Variants in NOS1AP observed in about 807,000 individuals in gnomAD.
NOS1AP encodes the protein carboxyl-terminal PDZ ligand of neuronal nitric oxide synthase protein.
NOS1AP carries 21 observed loss-of-function variants against 56.2 expected under a neutral mutation model. The observed-to-expected ratio is 0.37, with a 90% CI of 0.26 to 0.54. NOS1AP has a LOEUF of 0.54. Among genes scored for constraint, NOS1AP ranks in the 20% least tolerant of loss-of-function variants. The pLI is 0.84. For missense variants in NOS1AP, 522 were observed against 657.8 expected (o/e 0.79, Z 2.26); for synonymous variants, 270 against 274.6 (o/e 0.98, Z 0.17).
intron 5 of NOS1AP, among the ~76,000 whole-genome samples, chr1:162,338,182 A>G (rs1657000478): frequency 6.6e-6 from 1 of 152,136 alleles, no homozygotes; most frequent in Non-Finnish European, 1.5e-5. Flanking sequence ...GACCTCATGG[A>G]CTTCAGTTCT....
At chr1:162,087,256 G>A (rs751694541) in intron 1 of NOS1AP, among the ~76,000 whole-genome samples, 41 of 152,084 alleles carry the variant, frequency 2.7e-4, no homozygotes, top group Non-Finnish European at 4.9e-4. Context: ...CTTTCCAACA[G>A]TAGCTTTAAG....
chr1:162,137,337 T>G (rs1649047916), intron 1 of NOS1AP, among the ~76,000 whole-genome samples: 1 of 152,224 alleles, frequency 6.6e-6, no homozygotes, highest in South Asian at 2.1e-4. Flanking sequence ...CCCTCTGCAC[T>G]TCTGCAGCAC....
rs4609405 is a variant in NOS1AP, at chr1:162,200,322, C to T, written c.177+45846C>T. ...AGAACTTGGCTTTTGAGACCTTTCC[C>T]TGACCTGGAAGATGACGTAGAAGTA... is the stretch of plus-strand genomic sequence containing the variant. On this transcript the variant is annotated intron_variant, in intron 2 of 9. Coordinates refer to ENST00000361897, the MANE Select transcript of NOS1AP (RefSeq NM_014697.3). Among the ~76,000 whole-genome samples the T allele has an allele frequency of 5.7e-3, 869 of 152,300 alleles. 11 individuals carry two copies. The highest frequency in any genetic ancestry group is 0.019 in the African/African-American group (779 of 41,558).
At chr1:162,167,998 CA>C (rs33932029) in intron 2 of NOS1AP, among the ~76,000 whole-genome samples, 17 of 139,200 alleles carry the variant, frequency 1.2e-4, no homozygotes, top group East Asian at 2.1e-4. Flanking sequence ...AGTGGCTAGT[CA>C]AAAAAAAAAA....
At chr1:162,230,319 A>C (rs1653082788) in intron 2 of NOS1AP, among the ~76,000 whole-genome samples, 1 of 152,186 alleles carries the variant, frequency 6.6e-6, no homozygotes, top group African/African-American at 2.4e-5. Context: ...GAACAAAAGC[A>C]CTAGAACCAG....
chr1:162,149,811 ATTTAT>A (rs1649635370), intron 1 of NOS1AP, among the ~76,000 whole-genome samples: 1 of 152,154 alleles, frequency 6.6e-6, no homozygotes, highest in African/African-American at 2.4e-5. Context: ...CTTGTTTGTA[ATTTAT>A]TTTATTTTAA....
At position 162,367,493 on chromosome 1, in the gene NOS1AP, G is replaced by T; in HGVS notation, c.*26G>T. On this transcript the variant is annotated 3_prime_UTR_variant, in exon 10 of 10. Coordinates refer to ENST00000361897, the MANE Select transcript of NOS1AP (RefSeq NM_014697.3). The surrounding 1 kb of genome is among the most constrained non-coding windows in gnomAD (Gnocchi z 6.5). ...GTGCCGAGGGCGAGGAGATGGAGGC[G>T]GCGGCGTGGCTGGAGGGGCCGTGTC... The T allele has an allele frequency of 6.5e-7, 1 of 1,529,004 alleles. No homozygotes were observed. Among genetic ancestry groups the T allele is most frequent in the East Asian group, 2.4e-5 (1 of 41,100 alleles). 94.7% of individuals were successfully genotyped at this position (1,529,004 alleles called of 1,614,324 possible). A position where few individuals can be genotyped will look rare whatever the true frequency, so the allele number is the denominator to read the frequency against.
chr1:162,212,643 C>A (rs1022924438), intron 2 of NOS1AP, among the ~76,000 whole-genome samples: 1 of 152,062 alleles, frequency 6.6e-6, no homozygotes, highest in African/African-American at 2.4e-5. Flanking sequence ...GTAAAAGCTT[C>A]GGGATTTTAG....
intron 2 of NOS1AP, among the ~76,000 whole-genome samples, chr1:162,182,571 A>C (rs1442882125): frequency 6.6e-6 from 1 of 152,222 alleles, no homozygotes; most frequent in Non-Finnish European, 1.5e-5. Flanking sequence ...TGATAGCATT[A>C]CAGTAGAACT....
intron 5 of NOS1AP, among the ~76,000 whole-genome samples, chr1:162,340,574 C>G (rs1657079253): frequency 6.6e-6 from 1 of 152,190 alleles, no homozygotes; most frequent in Non-Finnish European, 1.5e-5. Flanking sequence ...TGAGCATTTA[C>G]TATATGCCAG....
At chr1:162,207,855 T>C (rs557446504) in intron 2 of NOS1AP, among the ~76,000 whole-genome samples, 37 of 152,348 alleles carry the variant, frequency 2.4e-4, no homozygotes, top group Non-Finnish European at 3.8e-4. Flanking sequence ...TGTTTCTCAG[T>C]TTCTTATAAT....
chr1:162,070,313 TG>T, intron 1 of NOS1AP, 31 bp downstream of exon 1: 3 of 1,554,456 alleles, frequency 1.9e-6, no homozygotes, highest in Non-Finnish European at 2.7e-6. Context: ...GTGCTACCTG[TG>T]GTGGCGGTTG....
intron 1 of NOS1AP, among the ~76,000 whole-genome samples, chr1:162,142,624 A>G (rs1306684291): frequency 6.6e-6 from 1 of 152,104 alleles, no homozygotes; most frequent in Non-Finnish European, 1.5e-5. Context: ...GGATTTGAGG[A>G]CAGGCATTGT....
intron 1 of NOS1AP, among the ~76,000 whole-genome samples, chr1:162,083,338 CATATT>C (rs1158916380): frequency 2.0e-5 from 3 of 152,184 alleles, no homozygotes; most frequent in Admixed American, 2.0e-4. Flanking sequence ...TGACAGATAA[CATATT>C]ATCTTGAGTC....
chr1:162,233,508 G>T (rs74128705), intron 2 of NOS1AP, among the ~76,000 whole-genome samples: 3,373 of 139,246 alleles, frequency 0.024, 112 homozygotes, highest in African/African-American at 0.086. Flanking sequence ...AATATTCAGT[G>T]ATTTTTTTTT....
intron 2 of NOS1AP, among the ~76,000 whole-genome samples, chr1:162,213,793 G>A (rs1652452017): frequency 6.6e-6 from 1 of 152,176 alleles, no homozygotes; most frequent in Non-Finnish European, 1.5e-5. Context: ...AGGCGCCGCC[G>A]CTCGTGTAGT....
At chr1:162,301,473 A>G (rs1261248447) in intron 4 of NOS1AP, among the ~76,000 whole-genome samples, 2 of 152,240 alleles carry the variant, frequency 1.3e-5, no homozygotes, top group Non-Finnish European at 2.9e-5. Context: ...TTTATAAGCC[A>G]GCCAGTTTCT....
At chr1:162,207,669 T>C (rs1269359809) in intron 2 of NOS1AP, among the ~76,000 whole-genome samples, 5 of 152,220 alleles carry the variant, frequency 3.3e-5, no homozygotes, top group African/African-American at 1.2e-4. Flanking sequence ...GGTTATCATA[T>C]AGCTTTGGGA....
At chr1:162,122,373 C>T (rs190785030) in intron 1 of NOS1AP, among the ~76,000 whole-genome samples, 6 of 152,326 alleles carry the variant, frequency 3.9e-5, no homozygotes, top group African/African-American at 1.4e-4. Context: ...GAAGAGTAGA[C>T]AACCCTCCAG....
Sources: allele counts gnomAD v4.1 joint callset (sites outside exome capture counted in the v4.1 genomes callset), GRCh38; gene constraint gnomAD v4.1.1; non-coding constraint Gnocchi (gnomAD v3.1); transcripts MANE v1.5; gene names NCBI Gene and HGNC (gene_info 2026-07-23, HGNC 2026-07-21).